ATP11C: variants seen among roughly 807,000 people sequenced by gnomAD.
ATP11C encodes ATPase phospholipid transporting 11C (ATP11C blood group), also known as phospholipid-transporting ATPase IG.
ATP11C carries 36 observed loss-of-function variants against 97.4 expected under a neutral mutation model. That is an observed-to-expected ratio of 0.37 (90% CI 0.28 to 0.49). The LOEUF is 0.49. Ranked by LOEUF, ATP11C falls within the 20% of genes least tolerant of loss-of-function variation. The pLI, the probability that ATP11C is intolerant of heterozygous loss-of-function variation, is 0.98. For synonymous variants in ATP11C, 275 were observed against 290.9 expected, an observed-to-expected ratio of 0.95 and a Z score of 0.56; for missense variants, 730 against 824.6, an observed-to-expected ratio of 0.89 and a Z score of 1.40.
At chrX:139,818,935 A>G (rs939626042) in intron 3 of ATP11C, among the ~76,000 whole-genome samples, 13 of 112,135 alleles carry the variant, frequency 1.2e-4, no homozygotes, top group African/African-American at 4.2e-4. Context: ...GAGAGCAAAA[A>G]TGGTAATCAG....
intron 1 of ATP11C, among the ~76,000 whole-genome samples, chrX:139,899,954 G>A (rs2084870007): frequency 9.0e-6 from 1 of 111,661 alleles, no homozygotes; most frequent in African/African-American, 3.3e-5. Flanking sequence ...TGAATTAAGA[G>A]CCAGCGGCAA....
chrX:139,877,815 A>C (rs2084499433), intron 1 of ATP11C, among the ~76,000 whole-genome samples: 1 of 112,245 alleles, frequency 8.9e-6, no homozygotes, highest in African/African-American at 3.2e-5. Flanking sequence ...TGGGGCCAGG[A>C]GTTCGAGACC....
upstream of ATP11C, among the ~76,000 whole-genome samples, chrX:139,934,183 TA>T (rs899031824): frequency 4.5e-5 from 5 of 111,521 alleles, no homozygotes; most frequent in African/African-American, 1.6e-4. Context: ...GACGTGTAGG[TA>T]AGGGCGGCTC....
chrX:139,805,090 T>A (rs2083012350), intron 5 of ATP11C, among the ~76,000 whole-genome samples: 1 of 111,717 alleles, frequency 9.0e-6, no homozygotes, highest in African/African-American at 3.3e-5. Context: ...CCCAGTTAAT[T>A]AGAGAGGCAT....
At chrX:139,771,587 T>C (rs1360259801) in intron 19 of ATP11C, among the ~76,000 whole-genome samples, 5 of 111,239 alleles carry the variant, frequency 4.5e-5, no homozygotes, top group African/African-American at 1.3e-4. Flanking sequence ...AAAATGCTGA[T>C]AGTGATATGA....
chrX:139,848,343 T>C (rs1341682851), intron 1 of ATP11C, among the ~76,000 whole-genome samples: 5 of 111,376 alleles, frequency 4.5e-5, no homozygotes, highest in African/African-American at 1.6e-4. Flanking sequence ...GATCTTCACC[T>C]CCACTCTTTT....
At chrX:139,761,351 TAGTGTA>T in intron 22 of ATP11C, among the ~76,000 whole-genome samples, 1 of 111,814 alleles carries the variant, frequency 8.9e-6, no homozygotes, top group East Asian at 2.8e-4. Flanking sequence ...ATGTAGTGTA[TAGTGTA>T]TAAAAGTATA....
At chrX:139,786,494 G>A (rs762133933) in intron 15 of ATP11C, among the ~76,000 whole-genome samples, 2 of 110,996 alleles carry the variant, frequency 1.8e-5, no homozygotes, top group Non-Finnish European at 3.8e-5. Context: ...TCTCCAAAAG[G>A]GTGCATTACC....
intron 29 of ATP11C, among the ~76,000 whole-genome samples, 200 bp from the exon 30 acceptor site, chrX:139,729,162 G>A (rs2081295345): frequency 9.0e-6 from 1 of 111,666 alleles, no homozygotes; most frequent in Non-Finnish European, 1.9e-5. Context: ...TCATTTGTCA[G>A]CTGAATAGAT....
chrX:139,934,552 C>CTT (rs760781660), upstream of ATP11C, among the ~76,000 whole-genome samples: 46 of 93,688 alleles, frequency 4.9e-4, no homozygotes, highest in African/African-American at 7.7e-4. Flanking sequence ...CTAGCTTTAC[C>CTT]TTTTTTTTTT....
chrX:139,915,231 T>C (rs766656655), intron 1 of ATP11C, among the ~76,000 whole-genome samples: 4 of 111,942 alleles, frequency 3.6e-5, no homozygotes, highest in Admixed American at 1.9e-4. Flanking sequence ...ACTACTATCA[T>C]TGCTGAATAT....
chrX:139,782,677 A>G lies in ATP11C; in HGVS notation c.1822T>C (p.Tyr608His). ...ATGAGCTGTCTGTTAATTCTTTCAT[A>G]ATCATCTGGAGCAATTTCTTTGAAG... ...VAFKEIAPDD[Y>H]ERINRQLIEA... Residue 608 changes from tyrosine (Y) to histidine (H), a missense_variant, in exon 18 of 30, where the codon TAT (tyrosine) becomes CAT (histidine). Coordinates refer to ENST00000682941, the MANE Select transcript of ATP11C (RefSeq NM_001353812.2). 1.7e-6 allele frequency: 2 copies of G among 1,206,882 alleles called. No individual in the cohort carries two copies. Among genetic ancestry groups the G allele is most frequent in the Non-Finnish European group, 2.2e-6 (2 of 892,277 alleles).
chrX:139,868,547 C>A (rs1371242752), intron 1 of ATP11C, among the ~76,000 whole-genome samples: 5 of 105,397 alleles, frequency 4.7e-5, no homozygotes, highest in African/African-American at 1.7e-4. Flanking sequence ...GAAACCCCAT[C>A]TCTACTAAAA....
intron 1 of ATP11C, among the ~76,000 whole-genome samples, chrX:139,845,484 C>G (rs1247231984): frequency 1.8e-5 from 2 of 111,829 alleles, no homozygotes; most frequent in Non-Finnish European, 3.8e-5. Flanking sequence ...GGGAGTGAAG[C>G]AGTGAGAGAA....
intron 20 of ATP11C, among the ~76,000 whole-genome samples, chrX:139,764,449 T>C (rs2082096657): frequency 8.9e-6 from 1 of 112,968 alleles, no homozygotes; most frequent in African/African-American, 3.2e-5. Context: ...CTGGCAGAGT[T>C]ACTTGTGGGA....
chrX:139,867,615 T>C (rs188809351), intron 1 of ATP11C, among the ~76,000 whole-genome samples: 1 of 111,441 alleles, frequency 9.0e-6, no homozygotes, highest in Admixed American at 9.6e-5. Context: ...AAGCCCAAAC[T>C]CAGGGGTCAG....
chrX:139,901,821 G>A lies in ATP11C; in HGVS notation c.27+30195C>T, dbSNP rs774324169. Among the ~76,000 whole-genome samples the A allele has an allele frequency of 1.5e-3, 172 of 111,153 alleles. 1 individual carries two copies. Among genetic ancestry groups the A allele is most frequent in the African/African-American group, 5.4e-3 (166 of 30,502 alleles). ...CTGAAACCTTGGTTGTCTAAAACGGGGAGATAAAAGCATGAAGGGCTGGCT... is the reference window on the plus strand; with the variant it reads ...CTGAAACCTTGGTTGTCTAAAACGGAGAGATAAAAGCATGAAGGGCTGGCT... On this transcript the variant is annotated intron_variant, in intron 1 of 29. Transcript: ENST00000682941.
At chrX:139,796,047 G>C (rs909826000) in intron 12 of ATP11C, among the ~76,000 whole-genome samples, 1 of 111,826 alleles carries the variant, frequency 8.9e-6, no homozygotes, top group East Asian at 2.8e-4. Flanking sequence ...TTTCAGTAAC[G>C]TTCAAATTTA....
intron 1 of ATP11C, chrX:139,924,188 T>C (rs954844207): frequency 7.8e-6 from 3 of 384,687 alleles, no homozygotes; most frequent in African/African-American, 7.7e-5. Flanking sequence ...GACGCTAAAC[T>C]GGCAGAAACA....
Sources: allele counts gnomAD v4.1 joint callset (sites outside exome capture counted in the v4.1 genomes callset), GRCh38; gene constraint gnomAD v4.1.1; transcripts MANE v1.5; gene names NCBI Gene and HGNC (gene_info 2026-07-23, HGNC 2026-07-21).